Variants in ILKAP observed in about 807,000 individuals in gnomAD.
ILKAP encodes the protein ILK associated serine/threonine phosphatase, also known as integrin-linked kinase-associated serine/threonine phosphatase 2C.
A neutral mutation model predicts 49.1 loss-of-function variants in ILKAP; 11 were observed. The observed-to-expected ratio is 0.22, with a 90% confidence interval of 0.14 to 0.37. The LOEUF is 0.37. Among genes scored for constraint, ILKAP ranks in the 10% least tolerant of loss-of-function variants. ILKAP has a pLI of 1.00. For missense variants in ILKAP, 363 were observed against 510.8 expected, an observed-to-expected ratio of 0.71 and a Z score of 2.79; for synonymous variants, 186 against 192.8, an observed-to-expected ratio of 0.96 and a Z score of 0.29.
chr2:238,189,484 T>C (rs1313994885), intron 4 of ILKAP, among the ~76,000 whole-genome samples: 1 of 152,192 alleles, frequency 6.6e-6, no homozygotes, highest in East Asian at 1.9e-4. Flanking sequence ...CCTACTAAGC[T>C]AAATCACGTA....
intron 1 of ILKAP, among the ~76,000 whole-genome samples, chr2:238,198,237 A>T (rs1042004643): frequency 6.8e-6 from 1 of 147,138 alleles, no homozygotes; most frequent in African/African-American, 2.5e-5. Flanking sequence ...AAAACCTTAG[A>T]TTTTTTTTTT....
intron 5 of ILKAP, chr2:238,185,971 TA>T (rs1391326706): frequency 1.3e-5 from 2 of 152,244 alleles, no homozygotes; most frequent in Non-Finnish European, 2.9e-5. Flanking sequence ...CAAGATCTGT[TA>T]ATTCTGATTT....
chr2:238,199,242 T>A (rs1038230844), intron 1 of ILKAP, among the ~76,000 whole-genome samples: 15 of 152,246 alleles, frequency 9.9e-5, no homozygotes, highest in Admixed American at 1.3e-4. Context: ...GTTCTTCATA[T>A]GATAAGTGAC....
Position 238,174,681 on chromosome 2 carries a change from G to GT in ILKAP, c.837-1029dup, listed in dbSNP as rs367917800. 1.7e-3 allele frequency among the ~76,000 whole-genome samples: 257 copies of GT among 152,274 alleles called. 2 individuals are homozygous for GT. The highest frequency in any genetic ancestry group is 6.0e-3 in the African/African-American group (250 of 41,546). ...ACAGGTCAGTATCCGTAACAAACAT[G>GT]TTTTTTCTTCTTCAAAGACTTCTGC... On this transcript the variant is annotated intron_variant, in intron 9 of 11. Coordinates refer to ENST00000254654, the MANE Select transcript of ILKAP (RefSeq NM_030768.3).
intron 1 of ILKAP, among the ~76,000 whole-genome samples, chr2:238,198,542 A>T (rs1389600808): frequency 6.6e-6 from 1 of 152,202 alleles, no homozygotes; most frequent in Admixed American, 6.5e-5. Flanking sequence ...CCAGGCCCTT[A>T]CATTCTATTT....
At chr2:238,173,430 C>G in intron 10 of ILKAP, 104 bp downstream of exon 10, 5 of 1,461,942 alleles carry the variant, frequency 3.4e-6, no homozygotes, top group Non-Finnish European at 4.7e-6. Flanking sequence ...GGGCCTAGCA[C>G]CATGCACACC....
At chr2:238,190,102 A>C in intron 3 of ILKAP, 130 bp from the exon 4 acceptor site, 1 of 868,392 alleles carries the variant, frequency 1.2e-6, no homozygotes, top group Non-Finnish European at 1.7e-6. Context: ...ACACAGGCAG[A>C]CCCAGGAGTT....
At chr2:238,178,100 C>T (rs921550801) in intron 9 of ILKAP, among the ~76,000 whole-genome samples, 1 of 152,220 alleles carries the variant, frequency 6.6e-6, no homozygotes, top group African/African-American at 2.4e-5. Context: ...AGTTATTTCA[C>T]TTTTGCGCAC....
At chr2:238,172,262 G>A (rs915051266) in intron 10 of ILKAP, among the ~76,000 whole-genome samples, 20 of 152,288 alleles carry the variant, frequency 1.3e-4, no homozygotes, top group African/African-American at 4.6e-4. Flanking sequence ...ATGTTGGCCA[G>A]GCTGGCCTCA....
Position 238,189,937 on chromosome 2 carries a change from T to C in ILKAP, c.214A>G (p.Thr72Ala), listed in dbSNP as rs747797958. 2.4e-5 allele frequency: 38 copies of C among 1,613,974 alleles called. No homozygotes were observed. The highest frequency in any genetic ancestry group is 8.5e-7 in the Non-Finnish European group (1 of 1,179,966). The change falls in exon 4 of 12, where the codon ACT (threonine) becomes GCT (alanine). Residue 72 changes from threonine to alanine, a missense_variant. By Grantham distance (58) the Thr-to-Ala change is moderately conservative. This residue lies in a region of ILKAP where 114 missense variants were observed against 116.0 expected (regional missense o/e 0.98). Coordinates refer to ENST00000254654, the MANE Select transcript of ILKAP (RefSeq NM_030768.3). Reference protein sequence around the residue: ...LATSISQMVKTEGKGAKRKTS... With the variant: ...LATSISQMVKAEGKGAKRKTS... Reference sequence around the variant, plus strand: ...TTTCTCTTTGCTCCTTTCCCTTCAGTCTTTACCATCTGGGATATTGATGTG... The same window carrying C: ...TTTCTCTTTGCTCCTTTCCCTTCAGCCTTTACCATCTGGGATATTGATGTG...
intron 3 of ILKAP, among the ~76,000 whole-genome samples, chr2:238,192,681 CAGAG>C (rs1325140269): frequency 7.7e-6 from 1 of 129,704 alleles, no homozygotes; most frequent in African/African-American, 3.0e-5. Flanking sequence ...GCCTGGGCAA[CAGAG>C]AGAGAGACAG....
chr2:238,178,448 C>T (rs1270251001), intron 9 of ILKAP, among the ~76,000 whole-genome samples: 2 of 152,170 alleles, frequency 1.3e-5, no homozygotes, highest in Admixed American at 6.5e-5. Context: ...CTCAGCTTCC[C>T]GATGCACTGG....
At chr2:238,194,454 A>C in intron 2 of ILKAP, 123 bp from the exon 3 acceptor site, 1 of 787,048 alleles carries the variant, frequency 1.3e-6, no homozygotes, top group Non-Finnish European at 2.2e-6. Context: ...GCGTCAATCC[A>C]GTGGCAACTC....
intron 10 of ILKAP, among the ~76,000 whole-genome samples, chr2:238,173,185 C>A (rs1255504471): frequency 6.6e-6 from 1 of 152,218 alleles, no homozygotes; most frequent in Non-Finnish European, 1.5e-5. Context: ...AAGCGCCTGT[C>A]TGGCCATGCT....
intron 6 of ILKAP, 109 bp from the exon 7 acceptor site, chr2:238,184,222 G>C (rs1010949833): frequency 2.9e-6 from 2 of 693,458 alleles, no homozygotes; most frequent in African/African-American, 3.5e-5. Flanking sequence ...ACGGAGTCTC[G>C]TTCTGTCACC....
At chr2:238,200,315 T>C (rs374506450) in intron 1 of ILKAP, among the ~76,000 whole-genome samples, 63 of 152,338 alleles carry the variant, frequency 4.1e-4, no homozygotes, top group African/African-American at 1.5e-3. Flanking sequence ...ACCTGAAATA[T>C]TTAGTGCATT....
intron 1 of ILKAP, among the ~76,000 whole-genome samples, chr2:238,201,670 G>A (rs1424832667): frequency 6.6e-6 from 1 of 152,228 alleles, no homozygotes; most frequent in Non-Finnish European, 1.5e-5. Context: ...AAGGGAGCCT[G>A]CTCCTGAGCA....
At chr2:238,172,972 C>T (rs1693291994) in intron 10 of ILKAP, among the ~76,000 whole-genome samples, 1 of 152,158 alleles carries the variant, frequency 6.6e-6, no homozygotes, top group Non-Finnish European at 1.5e-5. Context: ...AGCACGGTGC[C>T]GTACCCTTAG....
chr2:238,182,859 A>C (rs1262320401), intron 8 of ILKAP, among the ~76,000 whole-genome samples: 1 of 152,150 alleles, frequency 6.6e-6, no homozygotes, highest in Non-Finnish European at 1.5e-5. Flanking sequence ...TGTAAACTCC[A>C]CCAGGCAGGG....
Sources: gnomAD v4.1 joint callset for allele counts (sites outside exome capture counted in the v4.1 genomes callset) on GRCh38, gnomAD v4.1.1 for gene constraint, gnomAD v4.1.1 regional missense constraint, MANE v1.5 for transcripts, NCBI Gene and HGNC (gene_info 2026-07-23, HGNC 2026-07-21) for gene names.